FCHSD2: variants seen among roughly 807,000 people sequenced by gnomAD.
The protein encoded by FCHSD2 is FCH and double SH3 domains 2.
Under a neutral mutation model 108.1 loss-of-function variants are expected in FCHSD2, and 38 were observed. The ratio of observed to expected loss-of-function variants is 0.35; its 90% CI spans 0.27 to 0.46. FCHSD2 has a LOEUF of 0.46. Ranked by LOEUF, FCHSD2 falls within the 20% of genes least tolerant of loss-of-function variation. The probability of loss-of-function intolerance (pLI) is 1.00; values close to 1 mark genes in which losing one functional copy is unlikely to be tolerated. For missense variants in FCHSD2, 751 were observed against 897.8 expected (o/e 0.84, Z 2.09); for synonymous variants, 279 against 314.7 (o/e 0.89, Z 1.20).
chr11:72,908,530 C>T (rs369617685), intron 9 of FCHSD2, among the ~76,000 whole-genome samples: 5 of 152,318 alleles, frequency 3.3e-5, no homozygotes, highest in African/African-American at 1.2e-4. Context: ...TTCTCCACAT[C>T]CTCACCAGCA....
chr11:72,921,115 T>A (rs1166164982), intron 9 of FCHSD2, among the ~76,000 whole-genome samples: 1 of 152,208 alleles, frequency 6.6e-6, no homozygotes, highest in Non-Finnish European at 1.5e-5. Flanking sequence ...GTAGCAGTTA[T>A]GAAATGCGTA....
At chr11:72,911,227 C>T (rs770997567) in intron 9 of FCHSD2, among the ~76,000 whole-genome samples, 2 of 152,198 alleles carry the variant, frequency 1.3e-5, no homozygotes, top group Admixed American at 6.5e-5. Flanking sequence ...TTCTCCAGCA[C>T]CATTTATTGA....
At chr11:72,951,955 C>A (rs1352997994) in intron 8 of FCHSD2, among the ~76,000 whole-genome samples, 1 of 152,196 alleles carries the variant, frequency 6.6e-6, no homozygotes, top group Non-Finnish European at 1.5e-5. Flanking sequence ...CTTTCACTTA[C>A]AAGATAACTT....
At chr11:72,896,896 G>A (rs557962501) in intron 10 of FCHSD2, among the ~76,000 whole-genome samples, 71 of 151,592 alleles carry the variant, frequency 4.7e-4, no homozygotes, top group Non-Finnish European at 8.5e-4. Flanking sequence ...GCGCGATCTC[G>A]GCTCACTGCA....
At chr11:73,098,807 T>C (rs2030932684) in intron 2 of FCHSD2, among the ~76,000 whole-genome samples, 1 of 152,124 alleles carries the variant, frequency 6.6e-6, no homozygotes, top group Non-Finnish European at 1.5e-5. Flanking sequence ...ACTATAAAAC[T>C]CTTAAAGGAA....
chr11:72,900,365 G>C (rs1229268032), intron 10 of FCHSD2: 1 of 1,426,456 alleles, frequency 7.0e-7, no homozygotes, highest in Non-Finnish European at 9.7e-7. Flanking sequence ...AAAAAACATA[G>C]CATAGAGTTA....
At chr11:72,936,906 A>C (rs1856314487) in intron 8 of FCHSD2, among the ~76,000 whole-genome samples, 1 of 152,218 alleles carries the variant, frequency 6.6e-6, no homozygotes, top group Non-Finnish European at 1.5e-5. Context: ...ATCTTTGTCT[A>C]GTAAGTCCAA....
intron 9 of FCHSD2, among the ~76,000 whole-genome samples, chr11:72,912,621 G>C (rs542375577): frequency 1.5e-4 from 23 of 152,220 alleles, no homozygotes; most frequent in African/African-American, 5.5e-4. Context: ...TTGGTATCAG[G>C]GTAATGCTGG....
chr11:72,863,146 G>C (rs1854638028), intron 13 of FCHSD2, among the ~76,000 whole-genome samples: 1 of 151,656 alleles, frequency 6.6e-6, no homozygotes, highest in East Asian at 1.9e-4. Flanking sequence ...GCTCAGGCTG[G>C]TCTCAAACTC....
intron 3 of FCHSD2, among the ~76,000 whole-genome samples, chr11:73,056,662 C>A (rs1169639498): frequency 6.6e-6 from 1 of 151,968 alleles, no homozygotes; most frequent in East Asian, 1.9e-4. Context: ...AGAGACTATG[C>A]AAAATAGGTA....
At chr11:73,033,196 G>A (rs1423223510) in intron 3 of FCHSD2, among the ~76,000 whole-genome samples, 1 of 151,718 alleles carries the variant, frequency 6.6e-6, no homozygotes, top group African/African-American at 2.4e-5. Context: ...GCTGAGGCAG[G>A]AGAATGGCAT....
chr11:72,889,992 G>C, intron 10 of FCHSD2, 47 bp from the exon 11 acceptor site: 1 of 1,185,878 alleles, frequency 8.4e-7, no homozygotes, highest in Non-Finnish European at 1.2e-6. Context: ...TATCCTTATT[G>C]TAACCACTAC....
At chr11:73,087,825 C>A (rs1338482266) in intron 2 of FCHSD2, among the ~76,000 whole-genome samples, 1 of 152,200 alleles carries the variant, frequency 6.6e-6, no homozygotes, top group East Asian at 1.9e-4. Flanking sequence ...ATGGCACTCA[C>A]TGACTCACCC....
At chr11:73,046,220 G>A (rs925963591) in intron 3 of FCHSD2, among the ~76,000 whole-genome samples, 2 of 152,088 alleles carry the variant, frequency 1.3e-5, no homozygotes, top group Non-Finnish European at 2.9e-5. Context: ...TCGAATTCCT[G>A]TGCTCAAGCA....
chr11:73,060,441 A>G lies in FCHSD2; in HGVS notation c.165+23254T>C, dbSNP rs1395575917. ...CCTGGAAAAATACCAGGATAAAAAA[A>G]AAGTTTTATTTGTCTTGTGCTCCTT... On this transcript the variant is annotated intron_variant, in intron 3 of 19. Transcript: ENST00000409418. 2.6e-5 allele frequency among the ~76,000 whole-genome samples: 4 copies of G among 152,234 alleles called. No homozygotes were observed. In the South Asian group the frequency reaches 8.3e-4, roughly 31 times the overall value.
chr11:73,073,407 T>G (rs780442566), intron 3 of FCHSD2, among the ~76,000 whole-genome samples: 1 of 152,274 alleles, frequency 6.6e-6, no homozygotes, highest in Non-Finnish European at 1.5e-5. Context: ...AGTTCACTGC[T>G]TGAATTCCTC....
At chr11:72,861,989 T>G (rs532704645) in intron 13 of FCHSD2, among the ~76,000 whole-genome samples, 1 of 151,166 alleles carries the variant, frequency 6.6e-6, no homozygotes. Context: ...ACCAGGAATG[T>G]GAAGCTGGTT....
intron 8 of FCHSD2, among the ~76,000 whole-genome samples, chr11:72,939,963 C>A (rs1856382581): frequency 6.6e-6 from 1 of 152,074 alleles, no homozygotes; most frequent in African/African-American, 2.4e-5. Flanking sequence ...CAGGGAGTTT[C>A]TTCGAGAACA....
At chr11:72,873,722 T>A (rs1303604194) in intron 12 of FCHSD2, among the ~76,000 whole-genome samples, 1 of 152,198 alleles carries the variant, frequency 6.6e-6, no homozygotes, top group East Asian at 1.9e-4. Flanking sequence ...CATTTAGGTA[T>A]TCATTTTGAG....
Sources: allele counts gnomAD v4.1 joint callset (sites outside exome capture counted in the v4.1 genomes callset), GRCh38; gene constraint gnomAD v4.1.1; transcripts MANE v1.5; gene names NCBI Gene and HGNC (gene_info 2026-07-23, HGNC 2026-07-21).